Variants in GRID1 observed in about 807,000 individuals in gnomAD.
GRID1 encodes glutamate receptor ionotropic, delta-1.
A neutral mutation model predicts 98.0 loss-of-function variants in GRID1; 28 were observed. That is an observed-to-expected ratio of 0.29 (90% CI 0.21 to 0.39). The LOEUF (loss-of-function observed/expected upper bound fraction) is 0.39, where lower values mean the gene tolerates loss of function less well. Ranked by LOEUF, GRID1 falls within the 10% of genes least tolerant of loss-of-function variation. The pLI, the probability that GRID1 is intolerant of heterozygous loss-of-function variation, is 1.00. For missense variants in GRID1, 1,111 were observed against 1,340.5 expected (o/e 0.83, Z 2.67); for synonymous variants, 553 against 538.5 (o/e 1.03, Z -0.37).
At chr10:86,327,258 G>A (rs1432514369) in intron 2 of GRID1, among the ~76,000 whole-genome samples, 1 of 152,124 alleles carries the variant, frequency 6.6e-6, no homozygotes, top group Non-Finnish European at 1.5e-5. Flanking sequence ...GTTAGATATG[G>A]AGCCTAAAAT....
chr10:85,641,256 G>C (rs1037859547), intron 13 of GRID1, among the ~76,000 whole-genome samples: 7 of 152,190 alleles, frequency 4.6e-5, no homozygotes, highest in Admixed American at 1.3e-4. Flanking sequence ...ATGTGATGAA[G>C]TTATTATCAT....
Position 85,929,603 on chromosome 10 carries a change from G to A in GRID1, c.727-13364C>T, listed in dbSNP as rs4934137. On this transcript the variant is annotated intron_variant, in intron 4 of 15. Transcript: ENST00000327946. ...AAGGGTACAATCAAATGTTTTAAAA[G>A]GGAGAATAAACTGAGTAATTTCAAA... Among the ~76,000 whole-genome samples, 1,432 of 152,294 alleles carry A rather than the reference G, an allele frequency of 9.4e-3. 12 individuals carry two copies. The highest frequency in any genetic ancestry group is 0.022 in the Admixed American group (341 of 15,296).
intron 8 of GRID1, among the ~76,000 whole-genome samples, chr10:85,821,539 A>AAAAAAAAAGCAAAAAAAC (rs770693495): frequency 2.0e-5 from 2 of 97,626 alleles, no homozygotes; most frequent in African/African-American, 3.9e-5. Flanking sequence ...AAAAAAAAAA[A>AAAAAAAAAGCAAAAAAAC]AAAAAAGAAA....
chr10:85,732,427 C>T lies in GRID1; in HGVS notation c.1234-2813G>A, dbSNP rs530744987. The stretch of plus-strand genomic sequence containing the variant: ...GCATCTTAATTCTCTACTGTCTTGG[C>T]TTGGATGAGTGTTTGGAATGGAGCT... On this transcript the variant is annotated intron_variant, in intron 8 of 15. Coordinates refer to ENST00000327946, the MANE Select transcript of GRID1 (RefSeq NM_017551.3). Among the ~76,000 whole-genome samples the T allele has an allele frequency of 2.6e-5, 4 of 152,286 alleles. 1 individual carries two copies. In the East Asian group the frequency reaches 7.7e-4, roughly 29 times the overall value.
chr10:86,063,510 T>C (rs1843677483), intron 4 of GRID1, among the ~76,000 whole-genome samples: 1 of 152,180 alleles, frequency 6.6e-6, no homozygotes, highest in South Asian at 2.1e-4. Context: ...ATACATCTTA[T>C]CCTCAGCATC....
chr10:86,092,998 T>C (rs1385436603), intron 4 of GRID1, among the ~76,000 whole-genome samples: 1 of 152,196 alleles, frequency 6.6e-6, no homozygotes, highest in African/African-American at 2.4e-5. Flanking sequence ...TGAGTCTCAA[T>C]AAATTTAAGA....
At chr10:85,666,543 G>A (rs998239682) in intron 12 of GRID1, among the ~76,000 whole-genome samples, 3 of 152,196 alleles carry the variant, frequency 2.0e-5, no homozygotes, top group African/African-American at 7.2e-5. Context: ...AGTTGAGGTT[G>A]GCTTGTAAGG....
chr10:86,221,092 C>G (rs1846245502), intron 2 of GRID1, among the ~76,000 whole-genome samples: 1 of 152,214 alleles, frequency 6.6e-6, no homozygotes, highest in Non-Finnish European at 1.5e-5. Flanking sequence ...CAGAGCCCAG[C>G]TGGCCCTGGG....
At chr10:86,014,728 T>C (rs1023135185) in intron 4 of GRID1, among the ~76,000 whole-genome samples, 4 of 152,232 alleles carry the variant, frequency 2.6e-5, no homozygotes, top group Admixed American at 2.0e-4. Flanking sequence ...CAGAATGTCA[T>C]AGACTTAAAA....
intron 4 of GRID1, among the ~76,000 whole-genome samples, chr10:85,949,765 A>G (rs1227603813): frequency 6.6e-6 from 1 of 152,242 alleles, no homozygotes; most frequent in African/African-American, 2.4e-5. Flanking sequence ...GATTAAATGC[A>G]CTTATATTAA....
chr10:86,233,791 G>T (rs1350616405), intron 2 of GRID1, among the ~76,000 whole-genome samples: 1 of 152,110 alleles, frequency 6.6e-6, no homozygotes, highest in Non-Finnish European at 1.5e-5. Flanking sequence ...AACGTGACTG[G>T]AGACAATTGG....
At chr10:86,118,218 A>C (rs1039647077) in intron 4 of GRID1, among the ~76,000 whole-genome samples, 1 of 152,224 alleles carries the variant, frequency 6.6e-6, no homozygotes, top group African/African-American at 2.4e-5. Flanking sequence ...TATCCTAAGT[A>C]AAGTAACTTA....
chr10:85,761,306 G>C (rs1199796461), intron 8 of GRID1, among the ~76,000 whole-genome samples: 8 of 152,240 alleles, frequency 5.3e-5, no homozygotes, highest in Admixed American at 5.2e-4. Context: ...AAAGATAGCA[G>C]CTTTAGAAAC....
rs1843202642 is a variant in GRID1, at chr10:86,032,590, G to A, written c.726+106229C>T. Among the ~76,000 whole-genome samples the A allele has an allele frequency of 2.0e-5, 3 of 152,242 alleles. No individual in the cohort carries two copies. The South Asian group carries it at 6.2e-4, about 32-fold the overall frequency. On this transcript the variant is annotated intron_variant, in intron 4 of 15. Coordinates refer to ENST00000327946, the MANE Select transcript of GRID1 (RefSeq NM_017551.3). ...CAGGGTTAAATGGATTAAGGGCGGT[G>A]CAAGATGTGCTTTGTTAAACAGATG...
intron 4 of GRID1, among the ~76,000 whole-genome samples, chr10:85,959,435 T>A (rs1375850609): frequency 6.6e-6 from 1 of 152,118 alleles, no homozygotes; most frequent in East Asian, 1.9e-4. Context: ...GGGCAATGAG[T>A]TGGCAAGGAC....
chr10:85,707,956 C>T (rs1366887892), intron 12 of GRID1, among the ~76,000 whole-genome samples: 4 of 151,700 alleles, frequency 2.6e-5, no homozygotes, highest in African/African-American at 9.7e-5. Flanking sequence ...CACACTGGGG[C>T]CTGTTGTGGG....
At chr10:86,311,038 G>T (rs939101646) in intron 2 of GRID1, among the ~76,000 whole-genome samples, 1 of 152,108 alleles carries the variant, frequency 6.6e-6, no homozygotes, top group South Asian at 2.1e-4. Flanking sequence ...AAGAGGAGGG[G>T]CAGTGAGGAC....
At chr10:86,251,837 T>G (rs1846838660) in intron 2 of GRID1, among the ~76,000 whole-genome samples, 1 of 152,180 alleles carries the variant, frequency 6.6e-6, no homozygotes, top group Admixed American at 6.5e-5. Context: ...AGCTCAGGGC[T>G]GGGCTGTCTT....
chr10:85,917,937 T>A (rs1367521503), intron 4 of GRID1, among the ~76,000 whole-genome samples: 1 of 152,172 alleles, frequency 6.6e-6, no homozygotes, highest in Admixed American at 6.5e-5. Flanking sequence ...AGCCACCCCA[T>A]CCAGAGCCTC....
Sources: allele counts gnomAD v4.1 joint callset (sites outside exome capture counted in the v4.1 genomes callset), GRCh38; gene constraint gnomAD v4.1.1; transcripts MANE v1.5; gene names NCBI Gene and HGNC (gene_info 2026-07-23, HGNC 2026-07-21).